Variants in CSMD1 observed in about 807,000 individuals in gnomAD.
CSMD1 encodes CUB and sushi domain-containing protein 1.
A neutral mutation model predicts 417.5 loss-of-function variants in CSMD1; 213 were observed. That is an observed-to-expected ratio of 0.51 (90% CI 0.46 to 0.57). The LOEUF (loss-of-function observed/expected upper bound fraction) is 0.57. CSMD1 is among the 20% of genes least tolerant of loss of function. The probability of loss-of-function intolerance (pLI) is 0.00; values close to 1 mark genes in which losing one functional copy is unlikely to be tolerated. For missense variants in CSMD1, 6,923 were observed against 4,529.7 expected (o/e 1.53, Z -15.17); for synonymous variants, 2,862 against 1,736.8 (o/e 1.65, Z -16.11).
chr8:4,151,992 T>A (rs1796593809), intron 3 of CSMD1, among the ~76,000 whole-genome samples: 1 of 152,098 alleles, frequency 6.6e-6, no homozygotes, highest in Admixed American at 6.6e-5. Context: ...TGTGGTTTGC[T>A]AGGGGGTCAT....
At chr8:4,870,810 G>T (rs1355830691) in intron 1 of CSMD1, among the ~76,000 whole-genome samples, 1 of 152,152 alleles carries the variant, frequency 6.6e-6, no homozygotes, top group Non-Finnish European at 1.5e-5. Context: ...GGAAGAAAGA[G>T]CGAGGAGTGC....
chr8:4,269,381 T>C (rs965461614), intron 3 of CSMD1, among the ~76,000 whole-genome samples: 8 of 152,292 alleles, frequency 5.3e-5, no homozygotes, highest in East Asian at 1.9e-4. Context: ...TTCATCTTCA[T>C]TGTGCTTTGA....
At chr8:3,267,900 G>T (rs924747426) in intron 26 of CSMD1, among the ~76,000 whole-genome samples, 1 of 152,110 alleles carries the variant, frequency 6.6e-6, no homozygotes, top group African/African-American at 2.4e-5. Context: ...ACTCACTGGG[G>T]TGGGAGATCA....
intron 1 of CSMD1, among the ~76,000 whole-genome samples, chr8:4,686,532 G>A (rs1278930950): frequency 3.5e-4 from 53 of 152,198 alleles, no homozygotes; most frequent in Admixed American, 3.4e-3. Context: ...AAGAACCTGA[G>A]CAAACAGCCC....
intron 1 of CSMD1, among the ~76,000 whole-genome samples, chr8:4,728,004 A>T (rs1389316367): frequency 6.9e-6 from 1 of 145,304 alleles, no homozygotes; most frequent in African/African-American, 2.5e-5. Context: ...ATATATTTAT[A>T]TACAAAATAT....
intron 26 of CSMD1, among the ~76,000 whole-genome samples, chr8:3,248,400 C>T (rs1012836257): frequency 2.6e-5 from 4 of 152,082 alleles, no homozygotes; most frequent in African/African-American, 9.7e-5. Context: ...CCTATGAAGT[C>T]CTTTAAAACT....
At chr8:3,038,403 G>C (rs1344856943) in intron 50 of CSMD1, among the ~76,000 whole-genome samples, 2 of 152,184 alleles carry the variant, frequency 1.3e-5, no homozygotes. Flanking sequence ...TAGATTTAAA[G>C]TCAAAAATCT....
At chr8:4,990,148 C>T (rs1173287336) in intron 1 of CSMD1, among the ~76,000 whole-genome samples, 1 of 152,190 alleles carries the variant, frequency 6.6e-6, no homozygotes. Flanking sequence ...GATGAGACCT[C>T]ATTGCCCTAC....
chr8:4,163,647 G>C (rs745605294), intron 3 of CSMD1, among the ~76,000 whole-genome samples: 1 of 152,070 alleles, frequency 6.6e-6, no homozygotes, highest in African/African-American at 2.4e-5. Context: ...GGTAAGTGGA[G>C]TAAAATTCAA....
At chr8:3,320,644 C>T (rs868676005) in intron 23 of CSMD1, among the ~76,000 whole-genome samples, 13 of 152,144 alleles carry the variant, frequency 8.5e-5, no homozygotes, top group Admixed American at 2.0e-4. Flanking sequence ...ACTAGACCAC[C>T]GCTGCATTGG....
At chr8:3,207,765 T>G (rs1797386002) in intron 30 of CSMD1, among the ~76,000 whole-genome samples, 1 of 152,224 alleles carries the variant, frequency 6.6e-6, no homozygotes, top group Non-Finnish European at 1.5e-5. Flanking sequence ...TTTACTTAAA[T>G]AAGCTCAGCC....
chr8:3,974,593 A>T (rs1256394234), intron 5 of CSMD1, among the ~76,000 whole-genome samples: 1 of 152,038 alleles, frequency 6.6e-6, no homozygotes, highest in African/African-American at 2.4e-5. Context: ...TTTTTCTAAT[A>T]ACAACCCTTG....
intron 50 of CSMD1, among the ~76,000 whole-genome samples, chr8:3,047,013 G>C (rs1320422866): frequency 6.6e-6 from 1 of 150,496 alleles, no homozygotes; most frequent in Admixed American, 6.6e-5. Context: ...TTTGAGACCA[G>C]CCTGGCCAAC....
intron 2 of CSMD1, among the ~76,000 whole-genome samples, chr8:4,533,166 G>C (rs1282484596): frequency 6.6e-6 from 1 of 152,192 alleles, no homozygotes; most frequent in Non-Finnish European, 1.5e-5. Flanking sequence ...AATGTTTTCA[G>C]GGTGTACCCA....
intron 3 of CSMD1, among the ~76,000 whole-genome samples, chr8:4,109,378 A>G (rs1163779719): frequency 1.3e-5 from 2 of 152,188 alleles, no homozygotes; most frequent in East Asian, 1.9e-4. Flanking sequence ...TACTGGGCAT[A>G]TAATATAGTG....
chr8:4,594,194 T>A (rs988574430), intron 2 of CSMD1, among the ~76,000 whole-genome samples: 1 of 133,282 alleles, frequency 7.5e-6, no homozygotes, highest in Non-Finnish European at 1.5e-5. Flanking sequence ...TCTAAAGTGA[T>A]CTTTTTTTTT....
intron 5 of CSMD1, among the ~76,000 whole-genome samples, chr8:3,830,468 C>G (rs989369403): frequency 6.6e-6 from 1 of 152,206 alleles, no homozygotes; most frequent in Non-Finnish European, 1.5e-5. Flanking sequence ...ATTTCTTTCT[C>G]TAAGCTCTGC....
At chr8:4,507,879 C>T (rs976752287) in intron 2 of CSMD1, among the ~76,000 whole-genome samples, 1 of 152,054 alleles carries the variant, frequency 6.6e-6, no homozygotes, top group Non-Finnish European at 1.5e-5. Context: ...TTCAGTTTAA[C>T]ATCTTTGAAA....
chr8:3,434,755 T>C (rs1814438684), intron 12 of CSMD1, among the ~76,000 whole-genome samples: 1 of 152,220 alleles, frequency 6.6e-6, no homozygotes, highest in Non-Finnish European at 1.5e-5. Context: ...ATAGCTTGTC[T>C]GCTCCCATCT....
Sources: allele counts gnomAD v4.1 joint callset (sites outside exome capture counted in the v4.1 genomes callset), GRCh38; gene constraint gnomAD v4.1.1; transcripts MANE v1.5; gene names NCBI Gene and HGNC (gene_info 2026-07-23, HGNC 2026-07-21).